The following MMAA variants were observed in gnomAD, a reference collection of about 807,000 sequenced individuals.
The protein encoded by MMAA is metabolism of cobalamin associated A.
Under a neutral mutation model 45.0 loss-of-function variants are expected in MMAA, and 41 were observed. The observed-to-expected ratio is 0.91, with a 90% confidence interval of 0.71 to 1.18. The LOEUF is 1.18. Ranked by LOEUF, MMAA falls within the 50% of genes most tolerant of loss-of-function variation. The pLI is 0.00. For missense variants in MMAA, 460 were observed against 495.7 expected, an observed-to-expected ratio of 0.93 and a Z score of 0.68; for synonymous variants, 154 against 178.2, an observed-to-expected ratio of 0.86 and a Z score of 1.08.
At chr4:145,629,132 AT>A (rs1467798031) in intron 1 of MMAA, among the ~76,000 whole-genome samples, 3 of 151,922 alleles carry the variant, frequency 2.0e-5, no homozygotes, top group African/African-American at 7.3e-5. Flanking sequence ...GTATATATAT[AT>A]TTTTTGTTTT....
At chr4:145,639,725 A>G (rs1307128219) in intron 2 of MMAA, 147 bp downstream of exon 2, 1 of 1,426,314 alleles carries the variant, frequency 7.0e-7, no homozygotes, top group Non-Finnish European at 9.1e-7. Flanking sequence ...TTCCTGGCAA[A>G]TATTAGTTTT....
chr4:145,636,657 C>A (rs1327078471), intron 1 of MMAA, among the ~76,000 whole-genome samples: 1 of 152,216 alleles, frequency 6.6e-6, no homozygotes, highest in East Asian at 1.9e-4. Flanking sequence ...CTGCCTCAAC[C>A]TTCTTCAACA....
At chr4:145,653,861 G>A (rs934643990) in intron 5 of MMAA, 133 bp from the exon 6 acceptor site, 1 of 922,352 alleles carries the variant, frequency 1.1e-6, no homozygotes. Flanking sequence ...TCAAGTAATG[G>A]TGATTCTTGG....
intron 1 of MMAA, chr4:145,625,110 A>C: frequency 9.3e-7 from 1 of 1,070,576 alleles, no homozygotes; most frequent in African/African-American, 1.6e-5. Context: ...GTCACTAGCC[A>C]ATCTGATAGG....
chr4:145,645,652 A>G (rs1206798680), intron 3 of MMAA, among the ~76,000 whole-genome samples: 1 of 152,196 alleles, frequency 6.6e-6, no homozygotes, highest in East Asian at 1.9e-4. Flanking sequence ...AAACACAGTG[A>G]TGTTAAGATG....
At chr4:145,648,248 A>G (rs1727993731) in intron 4 of MMAA, among the ~76,000 whole-genome samples, 1 of 150,610 alleles carries the variant, frequency 6.6e-6, no homozygotes, top group Admixed American at 6.6e-5. Flanking sequence ...CCTGGGTTCA[A>G]ATGATTCTCC....
intron 1 of MMAA, chr4:145,624,692 G>A (rs1734163916): frequency 1.3e-6 from 2 of 1,529,946 alleles, no homozygotes; most frequent in African/African-American, 1.4e-5. Context: ...TGGGTTCCAT[G>A]GGCATCCCAT....
intron 5 of MMAA, among the ~76,000 whole-genome samples, chr4:145,652,188 A>G (rs531666369): frequency 6.6e-6 from 1 of 152,244 alleles, no homozygotes; most frequent in South Asian, 2.1e-4. Context: ...CTCAAGACAC[A>G]TTTCTCTCCT....
intron 2 of MMAA, among the ~76,000 whole-genome samples, chr4:145,640,796 C>G (rs1272009685): frequency 1.3e-5 from 2 of 151,938 alleles, no homozygotes; most frequent in African/African-American, 2.4e-5. Context: ...ATATGTTTGA[C>G]CAGCAGGAAT....
chr4:145,639,561 C>A lies in MMAA; in HGVS notation c.422C>A (p.Pro141Gln). The change falls in exon 2 of 7, where the codon CCA (proline) becomes CAA (glutamine). Residue 141 changes from proline to glutamine, a missense_variant. By Grantham distance (76) the Pro-to-Gln change is moderately conservative (BLOSUM62 -1). Coordinates refer to ENST00000649156, the MANE Select transcript of MMAA (RefSeq NM_172250.3). ...REQEQSNKGK[P>Q]LAFRVGLSGP... Reference sequence around the variant, plus strand: ...CAAGAACAATCAAATAAAGGAAAACCACTAGCATTTCGAGTAGGTCAGTCT... The same window carrying A: ...CAAGAACAATCAAATAAAGGAAAACAACTAGCATTTCGAGTAGGTCAGTCT... 1 of 1,609,200 alleles carries A rather than the reference C, an allele frequency of 6.2e-7. No individual in the cohort carries two copies. The highest frequency in any genetic ancestry group is 8.5e-7 in the Non-Finnish European group (1 of 1,177,276).
At chr4:145,625,619 G>A (rs1279982421) in intron 1 of MMAA, 9 of 852,542 alleles carry the variant, frequency 1.1e-5, no homozygotes, top group Admixed American at 1.7e-5. Context: ...CAGCTTCAAA[G>A]AGTAGGACAT....
intron 1 of MMAA, chr4:145,624,636 C>G (rs1489583839): frequency 1.4e-6 from 2 of 1,424,038 alleles, no homozygotes; most frequent in African/African-American, 2.9e-5. Context: ...ACTAGAAGGA[C>G]AGAGCCACAT....
Position 145,658,453 on chromosome 4 carries a change from G to A in MMAA, c.*3019G>A, listed in dbSNP as rs1728294098. 6.6e-6 allele frequency: 1 copy of A among 152,086 alleles called. No homozygotes were observed. The highest frequency in any genetic ancestry group is 1.5e-5 in the Non-Finnish European group (1 of 68,008). 9.4% of individuals were successfully genotyped at this position (152,086 alleles called of 1,614,324 possible). ...TGTAGATAGGAAAAAAATGTGCTGA[G>A]CTCCAAAACTGACAGACATTTTGCT... On this transcript the variant is annotated 3_prime_UTR_variant, in exon 7 of 7. Coordinates refer to ENST00000649156, the MANE Select transcript of MMAA (RefSeq NM_172250.3).
At chr4:145,634,831 G>T (rs1727563356) in intron 1 of MMAA, among the ~76,000 whole-genome samples, 1 of 151,934 alleles carries the variant, frequency 6.6e-6, no homozygotes, top group Non-Finnish European at 1.5e-5. Context: ...CTGGCCCAGG[G>T]TGTCTAGAAA....
At chr4:145,627,994 T>C (rs1734240451) in intron 1 of MMAA, among the ~76,000 whole-genome samples, 1 of 152,184 alleles carries the variant, frequency 6.6e-6, no homozygotes, top group Non-Finnish European at 1.5e-5. Flanking sequence ...TATGCTGGCT[T>C]TATGTCTAAT....
At chr4:145,642,800 CT>C in intron 3 of MMAA, 1 of 356,678 alleles carries the variant, frequency 2.8e-6, no homozygotes. Flanking sequence ...CTCTTTGCTC[CT>C]GTTGTGTTTC....
At chr4:145,636,394 C>T (rs1186518204) in intron 1 of MMAA, among the ~76,000 whole-genome samples, 1 of 152,208 alleles carries the variant, frequency 6.6e-6, no homozygotes, top group Admixed American at 6.5e-5. Flanking sequence ...GTCACTGCTT[C>T]TAGAGTTATC....
intron 1 of MMAA, chr4:145,625,509 C>T: frequency 2.7e-6 from 2 of 733,492 alleles, no homozygotes; most frequent in East Asian, 2.7e-5. Flanking sequence ...CAGGAAGGGC[C>T]CAATATTTGA....
intron 1 of MMAA, among the ~76,000 whole-genome samples, chr4:145,638,628 G>A (rs543335395): frequency 8.5e-5 from 13 of 152,252 alleles, no homozygotes; most frequent in African/African-American, 2.9e-4. Flanking sequence ...AGTGCCCACC[G>A]TAGTAATCAC....
Sources: gnomAD v4.1 joint callset for allele counts (sites outside exome capture counted in the v4.1 genomes callset) on GRCh38, gnomAD v4.1.1 for gene constraint, MANE v1.5 for transcripts, NCBI Gene and HGNC (gene_info 2026-07-23, HGNC 2026-07-21) for gene names.